The following KDM4C variants were observed in gnomAD, a reference collection of about 807,000 sequenced individuals.
The protein encoded by KDM4C is lysine-specific demethylase 4C.
In KDM4C, 81 loss-of-function variants were observed where a neutral mutation model predicts 129.3. That is an observed-to-expected ratio of 0.63 (90% CI 0.52 to 0.75). KDM4C has a LOEUF of 0.75. Ranked by LOEUF, KDM4C falls within the 30% of genes least tolerant of loss-of-function variation. The probability of loss-of-function intolerance (pLI) is 0.00; values close to 1 mark genes in which losing one functional copy is unlikely to be tolerated. For synonymous variants in KDM4C, 573 were observed against 456.1 expected (o/e 1.26, Z -3.26); for missense variants, 1,457 against 1,304.0 (o/e 1.12, Z -1.81).
chr9:7,160,682 C>T (rs941243272), intron 19 of KDM4C, among the ~76,000 whole-genome samples: 1 of 152,148 alleles, frequency 6.6e-6, no homozygotes, highest in Non-Finnish European at 1.5e-5. Context: ...AATATTGCTG[C>T]CTGATCCTTC....
intron 6 of KDM4C, 50 bp downstream of exon 6, chr9:6,880,111 T>C: frequency 8.2e-7 from 1 of 1,218,636 alleles, no homozygotes; most frequent in Non-Finnish European, 1.2e-6. Context: ...TGTTTCTGTG[T>C]TTTGTAGGTT....
intron 17 of KDM4C, among the ~76,000 whole-genome samples, chr9:7,063,514 T>G (rs1832005252): frequency 6.6e-6 from 1 of 152,228 alleles, no homozygotes; most frequent in East Asian, 1.9e-4. Context: ...TCTCACTTGT[T>G]TATTCATTTA....
intron 1 of KDM4C, among the ~76,000 whole-genome samples, chr9:6,768,464 G>A (rs72699628): frequency 0.098 from 14,790 of 151,654 alleles, 836 homozygotes; most frequent in Non-Finnish European, 0.11. Context: ...TCACTCCTCA[G>A]TAACTCAATG....
intron 5 of KDM4C, among the ~76,000 whole-genome samples, chr9:6,857,008 C>T (rs954928576): frequency 2.0e-5 from 3 of 152,140 alleles, no homozygotes; most frequent in South Asian, 2.1e-4. Flanking sequence ...CCATCCGCCT[C>T]GGCCTCCCAT....
chr9:6,862,534 G>A lies in KDM4C; in HGVS notation c.629+12834G>A, dbSNP rs141107618. On this transcript the variant is annotated intron_variant, in intron 5 of 21. Coordinates refer to ENST00000381309, the MANE Select transcript of KDM4C (RefSeq NM_015061.6). ...GGCTAAACTTCAGGCTGGGTGTGGT[G>A]GCTCACAGCTGTAATCCCAGCACTT... Among the ~76,000 whole-genome samples the A allele has an allele frequency of 4.5e-3, 680 of 152,238 alleles. 6 individuals are homozygous for A. Among genetic ancestry groups the A allele is most frequent in the African/African-American group, 0.016 (648 of 41,550 alleles).
intron 15 of KDM4C, among the ~76,000 whole-genome samples, chr9:7,018,529 G>C (rs1305980046): frequency 2.0e-5 from 3 of 152,152 alleles, no homozygotes; most frequent in Non-Finnish European, 4.4e-5. Context: ...GAATCAGTTT[G>C]GTCAGTGATG....
chr9:6,993,632 G>A (rs1236687897), intron 12 of KDM4C, among the ~76,000 whole-genome samples: 1 of 152,174 alleles, frequency 6.6e-6, no homozygotes, highest in African/African-American at 2.4e-5. Context: ...GTGCATGGGT[G>A]AACTATGCAT....
intron 15 of KDM4C, among the ~76,000 whole-genome samples, chr9:7,023,216 G>A (rs1051376841): frequency 6.6e-6 from 1 of 152,124 alleles, no homozygotes; most frequent in Non-Finnish European, 1.5e-5. Flanking sequence ...AGTAGGATTG[G>A]TGTTCTTATT....
At chr9:6,995,894 A>AAC (rs1819628463) in intron 12 of KDM4C, among the ~76,000 whole-genome samples, 1 of 129,450 alleles carries the variant, frequency 7.7e-6, no homozygotes, top group Non-Finnish European at 1.7e-5. Context: ...GATGGTCTCG[A>AAC]TCTGACCTCG....
chr9:6,961,957 T>C lies in KDM4C; in HGVS notation c.922-18968T>C, dbSNP rs575020627. On this transcript the variant is annotated intron_variant, in intron 8 of 21. Coordinates refer to ENST00000381309, the MANE Select transcript of KDM4C (RefSeq NM_015061.6). ...ATCAAAGACTGTAGGGAATGCCTGC[T>C]GGCCTTCACAAGTTCATTTATAAAT... Among the ~76,000 whole-genome samples, 17 of 152,352 alleles carry C rather than the reference T, an allele frequency of 1.1e-4. No homozygotes were observed. The East Asian group carries it at 3.3e-3, about 29-fold the overall frequency.
intron 1 of KDM4C, among the ~76,000 whole-genome samples, chr9:6,722,417 C>T (rs989119384): frequency 3.9e-5 from 6 of 152,046 alleles, no homozygotes; most frequent in African/African-American, 9.7e-5. Flanking sequence ...GTGGCTCAAG[C>T]CTGTAATCCT....
intron 5 of KDM4C, among the ~76,000 whole-genome samples, chr9:6,860,418 T>G (rs1049415023): frequency 2.0e-5 from 3 of 152,192 alleles, no homozygotes; most frequent in African/African-American, 4.8e-5. Flanking sequence ...TTCTGACCCC[T>G]TTGGCAAAGT....
chr9:7,017,026 C>G (rs1823824791), intron 15 of KDM4C, among the ~76,000 whole-genome samples: 1 of 151,802 alleles, frequency 6.6e-6, no homozygotes, highest in Admixed American at 6.6e-5. Flanking sequence ...GTCTCGAACT[C>G]CTGGGCTCAA....
At chr9:7,093,754 TA>T (rs1836088743) in intron 17 of KDM4C, among the ~76,000 whole-genome samples, 1 of 152,236 alleles carries the variant, frequency 6.6e-6, no homozygotes, top group African/African-American at 2.4e-5. Flanking sequence ...AGCAATCTAT[TA>T]ATGCATTAAG....
intron 2 of KDM4C, among the ~76,000 whole-genome samples, chr9:6,800,972 T>C (rs533816116): frequency 6.6e-6 from 1 of 152,128 alleles, no homozygotes; most frequent in Non-Finnish European, 1.5e-5. Flanking sequence ...ATATAAAATA[T>C]GTAGTATCCT....
chr9:6,828,154 C>CT (rs1198996279), intron 4 of KDM4C, among the ~76,000 whole-genome samples: 132 of 147,176 alleles, frequency 9.0e-4, no homozygotes, highest in East Asian at 2.0e-3. Flanking sequence ...GAATAAGTTT[C>CT]TTTTTTTTTT....
chr9:7,101,251 G>A (rs1837053337), intron 17 of KDM4C, among the ~76,000 whole-genome samples: 1 of 152,084 alleles, frequency 6.6e-6, no homozygotes, highest in Admixed American at 6.6e-5. Context: ...ATTCTTAAGT[G>A]CACATAGATG....
intron 1 of KDM4C, among the ~76,000 whole-genome samples, chr9:6,732,257 C>T (rs558525389): frequency 1.2e-4 from 18 of 148,680 alleles, no homozygotes; most frequent in African/African-American, 4.2e-4. Flanking sequence ...CCCAGCTACT[C>T]GGGAGGCTGA....
chr9:6,899,415 T>C (rs1439159863), intron 8 of KDM4C, among the ~76,000 whole-genome samples: 1 of 152,158 alleles, frequency 6.6e-6, no homozygotes, highest in African/African-American at 2.4e-5. Context: ...TAGTTTACAT[T>C]AGGGCTCACT....
Sources: allele counts gnomAD v4.1 joint callset (sites outside exome capture counted in the v4.1 genomes callset), GRCh38; gene constraint gnomAD v4.1.1; transcripts MANE v1.5; gene names NCBI Gene and HGNC (gene_info 2026-07-23, HGNC 2026-07-21).